The following CRHR1 variants were observed in gnomAD, a reference collection of about 807,000 sequenced individuals.
CRHR1 encodes corticotropin-releasing hormone receptor 1.
Under a neutral mutation model 56.0 loss-of-function variants are expected in CRHR1, and 28 were observed. That is an observed-to-expected ratio of 0.50 (90% CI 0.37 to 0.69). The LOEUF (loss-of-function observed/expected upper bound fraction) is 0.69. Among genes scored for constraint, CRHR1 ranks in the 30% least tolerant of loss-of-function variants. The probability of loss-of-function intolerance (pLI) is 0.00; values close to 1 mark genes in which losing one functional copy is unlikely to be tolerated. For synonymous variants in CRHR1, 195 were observed against 216.5 expected (o/e 0.90, Z 0.87); for missense variants, 376 against 548.0 (o/e 0.69, Z 3.13).
chr17:45,805,099 C>A (rs1003538736), intron 1 of CRHR1, among the ~76,000 whole-genome samples: 5 of 152,024 alleles, frequency 3.3e-5, no homozygotes, highest in Non-Finnish European at 5.9e-5. Flanking sequence ...CCACTGCACC[C>A]GGCCATGATA....
intron 1 of CRHR1, among the ~76,000 whole-genome samples, chr17:45,790,004 T>C (rs1167375636): frequency 1.3e-5 from 2 of 152,170 alleles, no homozygotes; most frequent in African/African-American, 4.8e-5. Flanking sequence ...TCTTACCAAC[T>C]TCCTCAGTCT....
At chr17:45,805,511 T>A (rs954013264) in intron 1 of CRHR1, among the ~76,000 whole-genome samples, 1 of 152,178 alleles carries the variant, frequency 6.6e-6, no homozygotes, top group African/African-American at 2.4e-5. Context: ...TAAGGGTCTG[T>A]GTCTGAGGCT....
intron 1 of CRHR1, among the ~76,000 whole-genome samples, chr17:45,793,737 G>A (rs1403840710): frequency 1.3e-5 from 2 of 152,218 alleles, no homozygotes; most frequent in Admixed American, 6.5e-5. Context: ...ATGCACCCTG[G>A]AGGAAGGACC....
intron 9 of CRHR1, 73 bp from the exon 10 acceptor site, chr17:45,833,379 T>C: frequency 6.5e-7 from 1 of 1,534,524 alleles, no homozygotes; most frequent in Non-Finnish European, 9.0e-7. Flanking sequence ...GCAGGGGCAC[T>C]GAGGCCAGAG....
chr17:45,787,004 G>A (rs2061348769), intron 1 of CRHR1, among the ~76,000 whole-genome samples: 1 of 152,188 alleles, frequency 6.6e-6, no homozygotes, highest in Admixed American at 6.5e-5. Flanking sequence ...TGAGAGCTCA[G>A]GTAGTTTTGT....
chr17:45,833,664 C>A (rs377696028), intron 10 of CRHR1, 50 bp from the exon 11 acceptor site: 4 of 1,604,916 alleles, frequency 2.5e-6, no homozygotes, highest in Non-Finnish European at 3.4e-6. Flanking sequence ...GCGGGCAGCC[C>A]GTCCTGGGGT....
intron 3 of CRHR1, among the ~76,000 whole-genome samples, chr17:45,820,058 C>G (rs1204844417): frequency 1.3e-5 from 2 of 152,156 alleles, no homozygotes; most frequent in African/African-American, 4.8e-5. Context: ...GCCCCAGCCT[C>G]TAGATCCTCA....
intron 1 of CRHR1, among the ~76,000 whole-genome samples, chr17:45,803,924 C>T (rs73984616): frequency 0.084 from 12,755 of 152,198 alleles, 588 homozygotes; most frequent in African/African-American, 0.1. Context: ...GGGGACAGAG[C>T]CGAGCCTGGG....
intron 4 of CRHR1, among the ~76,000 whole-genome samples, chr17:45,824,681 G>C (rs924155152): frequency 6.6e-6 from 1 of 152,222 alleles, no homozygotes; most frequent in East Asian, 1.9e-4. Flanking sequence ...GAATAGCACG[G>C]ACCTTAGGGT....
intron 1 of CRHR1, chr17:45,800,706 TC>T (rs1487228565): frequency 1.3e-5 from 2 of 152,326 alleles, no homozygotes; most frequent in African/African-American, 4.8e-5. Context: ...AGGATGGCTG[TC>T]CAGCTGTGGC....
chr17:45,785,404 C>T lies in CRHR1; in HGVS notation c.33+827C>T, dbSNP rs1010888528. On this transcript the variant is annotated intron_variant, in intron 1 of 12. Transcript: ENST00000314537. ...GCTCGTGTCAGGCGTCACTTGCAGCCCCAAGCGCTTTCCAGAGCGTTTTGG... is the reference window on the plus strand; with the variant it reads ...GCTCGTGTCAGGCGTCACTTGCAGCTCCAAGCGCTTTCCAGAGCGTTTTGG... Among the ~76,000 whole-genome samples the T allele has an allele frequency of 3.9e-5, 6 of 152,274 alleles. No homozygotes were observed. The South Asian group carries it at 1.0e-3, about 26-fold the overall frequency.
In CRHR1 at chr17:45,833,602, G is replaced by A. The variant is rs34969299; in HGVS notation, c.929+65G>A. 4.9e-3 allele frequency: 7,856 copies of A among 1,591,224 alleles called. 257 individuals are homozygous for A. In the African/African-American group the frequency reaches 0.08, roughly 16 times the overall value. On this transcript the variant is annotated intron_variant, in intron 10 of 12. Transcript: ENST00000314537. Reference sequence around the variant, plus strand: ...AACCCCTGCTCCCCATGCCTCTCACGTGCCAGAGACCTGCCACTCCCTCCC... The same window carrying A: ...AACCCCTGCTCCCCATGCCTCTCACATGCCAGAGACCTGCCACTCCCTCCC...
chr17:45,819,457 C>T (rs1336519241), intron 3 of CRHR1, among the ~76,000 whole-genome samples: 1 of 151,808 alleles, frequency 6.6e-6, no homozygotes, highest in Admixed American at 6.6e-5. Context: ...ATCCCACCAC[C>T]CCCGGGCCCC....
At chr17:45,818,637 G>A (rs2061976249) in intron 3 of CRHR1, among the ~76,000 whole-genome samples, 5 of 152,196 alleles carry the variant, frequency 3.3e-5, no homozygotes, top group Admixed American at 3.3e-4. Context: ...AGTCTGTGAG[G>A]GCAGGGCTGG....
At chr17:45,829,755 G>A in intron 5 of CRHR1, 1 of 1,117,506 alleles carries the variant, frequency 8.9e-7, no homozygotes, top group Non-Finnish European at 1.3e-6. Flanking sequence ...GAGCAGGGCT[G>A]ACCCCTGTGA....
chr17:45,793,442 A>T (rs1025632391), intron 1 of CRHR1, among the ~76,000 whole-genome samples: 2 of 152,148 alleles, frequency 1.3e-5, no homozygotes, highest in African/African-American at 4.8e-5. Context: ...GAGGCGGCCT[A>T]GGTGGCATCC....
At position 45,833,701 on chromosome 17, in the gene CRHR1, C is replaced by CCCCCCCCCCCCCCCCCG; in HGVS notation, c.930-13_930-12insCCCCCCCCCCCCCCCCG. On this transcript the variant is annotated splice_polypyrimidine_tract_variant and intron_variant, in intron 10 of 12. Coordinates refer to ENST00000314537, the MANE Select transcript of CRHR1 (RefSeq NM_004382.5). ...GGCTGTGACTCCGAGCCTCCCCACC[C>CCCCCCCCCCCCCCCCCG]GCCCCACCCCAGGAAGGCTGTGAAA... The CCCCCCCCCCCCCCCCCG allele has an allele frequency of 1.0e-6, 1 of 998,084 alleles. No individual in the cohort carries two copies. Among genetic ancestry groups the CCCCCCCCCCCCCCCCCG allele is most frequent in the Non-Finnish European group, 1.6e-6 (1 of 630,660 alleles). The allele number at this position is 998,084 out of a possible 1,614,324, so 61.8% of individuals were successfully genotyped here. A position where few individuals can be genotyped will look rare whatever the true frequency, so the allele number is the denominator to read the frequency against.
chr17:45,823,870 C>G (rs150712807), intron 4 of CRHR1, among the ~76,000 whole-genome samples: 1 of 152,160 alleles, frequency 6.6e-6, no homozygotes, highest in Admixed American at 6.5e-5. Flanking sequence ...AAAAGACTCA[C>G]GAGTTCTTCC....
intron 1 of CRHR1, among the ~76,000 whole-genome samples, chr17:45,788,031 G>A (rs947582147): frequency 1.3e-5 from 2 of 152,236 alleles, no homozygotes; most frequent in Non-Finnish European, 2.9e-5. Flanking sequence ...CAGTGAGGAC[G>A]AGCTCAAGTG....
Sources: gnomAD v4.1 joint callset for allele counts (sites outside exome capture counted in the v4.1 genomes callset) on GRCh38, gnomAD v4.1.1 for gene constraint, MANE v1.5 for transcripts, NCBI Gene and HGNC (gene_info 2026-07-23, HGNC 2026-07-21) for gene names.